The following COX7A1 variants were observed in gnomAD, a reference collection of about 807,000 sequenced individuals.
COX7A1 encodes cytochrome c oxidase subunit 7A1.
COX7A1 carries 21 observed loss-of-function variants against 13.2 expected under a neutral mutation model. The observed-to-expected ratio is 1.59, with a 90% confidence interval of 1.13 to 2.29. The LOEUF is 2.29. Among genes scored for constraint, COX7A1 ranks in the 30% most tolerant of loss-of-function variants. The pLI is 0.00. For synonymous variants in COX7A1, 41 were observed against 41.9 expected (o/e 0.98, Z 0.08); for missense variants, 107 against 100.0 (o/e 1.07, Z -0.30).
intron 1 of COX7A1, 94 bp from the exon 2 acceptor site, chr19:36,151,849 C>T: frequency 9.0e-7 from 1 of 1,111,726 alleles, no homozygotes; most frequent in South Asian, 1.3e-5. Flanking sequence ...GGGGACAGCC[C>T]CATCCCTAGC....
intron 1 of COX7A1, 70 bp downstream of exon 1, chr19:36,152,323 C>T: frequency 1.7e-6 from 2 of 1,194,646 alleles, no homozygotes; most frequent in Middle Eastern, 2.1e-4. Context: ...TGCGGGGGCA[C>T]TTGGAGAGTC....
Position 36,152,401 on chromosome 19 carries a change from C to T in COX7A1, c.7G>A (p.Ala3Thr). The T allele has an allele frequency of 2.2e-6, 3 of 1,373,248 alleles. No homozygotes were observed. The highest frequency in any genetic ancestry group is 2.9e-5 in the East Asian group (1 of 34,962). 85.1% of individuals were successfully genotyped at this position (1,373,248 alleles called of 1,614,324 possible). MQALRVSQALIRS... is the reference protein window; with the variant it reads MQTLRVSQALIRS... Reference sequence around the variant, plus strand: ...GCCCATGGGGGCCTCACCCGAAGGGCCTGCATTCTGCCTTGTCCTCTTCCG... The same window carrying T: ...GCCCATGGGGGCCTCACCCGAAGGGTCTGCATTCTGCCTTGTCCTCTTCCG... The change falls in exon 1 of 4, where the codon GCC (alanine) becomes ACC (threonine). Residue 3 changes from alanine to threonine, a missense_variant. Physicochemically the swap from Ala to Thr is moderately conservative, Grantham distance 58. Coordinates refer to ENST00000292907, the MANE Select transcript of COX7A1 (RefSeq NM_001864.4).
chr19:36,151,666 C>CCCCCCCCCGG lies in COX7A1; in HGVS notation c.102+2_102+3insCCGGGGGGGG. ...CGGATCCCCACCCCCCCCGACCCCC[C>CCCCCCCCCGG]ACCTGGAAGAGCTTCTGTTTCTCGC... is the stretch of plus-strand genomic sequence containing the variant. On this transcript the variant is annotated splice_region_variant and intron_variant, in intron 2 of 3. Transcript: ENST00000292907. The CCCCCCCCCGG allele has an allele frequency of 1.3e-6, 2 of 1,584,884 alleles. No homozygotes were observed. Among genetic ancestry groups the CCCCCCCCCGG allele is most frequent in the Non-Finnish European group, 1.7e-6 (2 of 1,162,702 alleles).
intron 3 of COX7A1, 89 bp downstream of exon 3, chr19:36,151,373 A>G: frequency 7.0e-7 from 1 of 1,435,276 alleles, no homozygotes; most frequent in Non-Finnish European, 9.7e-7. Context: ...CCCAACCCAG[A>G]TCCTGGTCAG....
At chr19:36,152,294 C>T in intron 1 of COX7A1, 99 bp downstream of exon 1, 1 of 896,506 alleles carries the variant, frequency 1.1e-6, no homozygotes, top group Non-Finnish European at 1.5e-6. Flanking sequence ...GAAGGTGGCT[C>T]ACGTTCCAAG....
rs1398016113 is a variant in COX7A1, at chr19:36,151,328, A to G, written c.187+134T>C. On this transcript the variant is annotated intron_variant, in intron 3 of 3. Transcript: ENST00000292907. ...CTCCCCTCCCTGCAGGCCTGACTCC[A>G]GCTCAGTACTCGACCCCCTTCCTAA... The G allele has an allele frequency of 1.8e-5, 16 of 913,786 alleles. No homozygotes were observed. The East Asian group carries it at 4.1e-4, about 23-fold the overall frequency. 56.6% of individuals were successfully genotyped at this position (913,786 alleles called of 1,614,324 possible). A position where few individuals can be genotyped will look rare whatever the true frequency, so the allele number is the denominator to read the frequency against.
At chr19:36,151,645 T>TGCCCCCCGCCCCC in intron 2 of COX7A1, 24 bp downstream of exon 2, 1 of 1,387,626 alleles carries the variant, frequency 7.2e-7, no homozygotes, top group Non-Finnish European at 9.9e-7. Context: ...GCGCGTCGGA[T>TGCCCCCCGCCCCC]CCCCACCCCC....
chr19:36,151,598 G>A (rs1157829393), intron 2 of COX7A1, 52 bp from the exon 3 acceptor site: 8 of 1,611,234 alleles, frequency 5.0e-6, no homozygotes, highest in Admixed American at 3.3e-5. Context: ...TCCTTAGAGC[G>A]CGCCCCGCCT....
chr19:36,151,660 A>ACCCC lies in COX7A1; in HGVS notation c.102+5_102+8dup, dbSNP rs3214131. On this transcript the variant is annotated intron_variant, in intron 2 of 3. Coordinates refer to ENST00000292907, the MANE Select transcript of COX7A1 (RefSeq NM_001864.4). Reference sequence around the variant, plus strand: ...GCGCGTCGGATCCCCACCCCCCCCGACCCCCCACCTGGAAGAGCTTCTGTT... The same window carrying ACCCC: ...GCGCGTCGGATCCCCACCCCCCCCGACCCCCCCCCCACCTGGAAGAGCTTCTGTT... 291 of 1,114,418 alleles carry ACCCC rather than the reference A, an allele frequency of 2.6e-4. No homozygotes were observed. Among genetic ancestry groups the ACCCC allele is most frequent in the African/African-American group, 1.6e-3 (100 of 63,552 alleles). 69.0% of individuals were successfully genotyped at this position (1,114,418 alleles called of 1,614,324 possible).
rs1415800370 is a variant in COX7A1 at position 36,151,711 on chromosome 19, G to T, written c.60C>A (p.Asn20Lys). 1 of 1,590,508 alleles carries T rather than the reference G, an allele frequency of 6.3e-7. No homozygotes were observed. The change falls in exon 2 of 4, where the codon AAC becomes AAA. Residue 20 changes from asparagine to lysine, a missense_variant. Coordinates refer to ENST00000292907, the MANE Select transcript of COX7A1 (RefSeq NM_001864.4). The stretch of plus-strand genomic sequence containing the variant: ...TCTCGCGCACTCGGTTCTGAAAGCG[G>T]TTCCGGGCGGTGGAGCTGAAGGAGC... ...LIRSFSSTAR[N>K]RFQNRVREKQ...
Position 36,152,420 on chromosome 19 carries a change from T to C in COX7A1, c.-13A>G. 7.4e-7 allele frequency: 1 copy of C among 1,355,478 alleles called. No individual in the cohort carries two copies. Among genetic ancestry groups the C allele is most frequent in the South Asian group, 2.1e-5 (1 of 46,674 alleles). The allele number at this position is 1,355,478 out of a possible 1,614,324, so 84.0% of individuals were successfully genotyped here. On this transcript the variant is annotated 5_prime_UTR_variant, in exon 1 of 4. Coordinates refer to ENST00000292907, the MANE Select transcript of COX7A1 (RefSeq NM_001864.4). ...GAAGGGCCTGCATTCTGCCTTGTCCTCTTCCGCCGGAGTCACCTCCCTTCT... is the reference window on the plus strand; with the variant it reads ...GAAGGGCCTGCATTCTGCCTTGTCCCCTTCCGCCGGAGTCACCTCCCTTCT...
intron 2 of COX7A1, 34 bp downstream of exon 2, chr19:36,151,635 G>A: frequency 6.2e-7 from 1 of 1,602,886 alleles, no homozygotes; most frequent in Non-Finnish European, 8.5e-7. Flanking sequence ...CTCCCGGCTG[G>A]CGCGTCGGAT....
chr19:36,151,438 A>AGCCCAGACGGGCCCTGCGCTCACC, intron 3 of COX7A1, 24 bp downstream of exon 3: 1 of 1,613,144 alleles, frequency 6.2e-7, no homozygotes, highest in Non-Finnish European at 8.5e-7. Context: ...CCTCCCCCGC[A>AGCCCAGACGGGCCCTGCGCTCACC]GCCCAGACGG....
rs112834485 is a variant in COX7A1 at position 36,151,659 on chromosome 19, G to GCCC, written c.102+9_102+10insGGG. 8 of 1,310,882 alleles carry GCCC rather than the reference G, an allele frequency of 6.1e-6. No homozygotes were observed. Among genetic ancestry groups the GCCC allele is most frequent in the African/African-American group, 4.4e-5 (3 of 68,016 alleles). 81.2% of individuals were successfully genotyped at this position (1,310,882 alleles called of 1,614,324 possible). On this transcript the variant is annotated intron_variant, in intron 2 of 3. Transcript: ENST00000292907. ...GGCGCGTCGGATCCCCACCCCCCCC[G>GCCC]ACCCCCCACCTGGAAGAGCTTCTGT...
At chr19:36,151,645 T>TCCCCCCCC in intron 2 of COX7A1, 24 bp downstream of exon 2, 3 of 1,387,620 alleles carry the variant, frequency 2.2e-6, no homozygotes, top group Non-Finnish European at 3.0e-6. Flanking sequence ...GCGCGTCGGA[T>TCCCCCCCC]CCCCACCCCC....
Position 36,152,424 on chromosome 19 carries a change from C to A in COX7A1, c.-17G>T, listed in dbSNP as rs1394358824. 3 of 1,349,996 alleles carry A rather than the reference C, an allele frequency of 2.2e-6. No homozygotes were observed. Among genetic ancestry groups the A allele is most frequent in the African/African-American group, 3.0e-5 (2 of 67,064 alleles). The allele number at this position is 1,349,996 out of a possible 1,614,324, so 83.6% of individuals were successfully genotyped here. On this transcript the variant is annotated 5_prime_UTR_variant, in exon 1 of 4. Coordinates refer to ENST00000292907, the MANE Select transcript of COX7A1 (RefSeq NM_001864.4). ...GGCCTGCATTCTGCCTTGTCCTCTT[C>A]CGCCGGAGTCACCTCCCTTCTCCGC...
intron 1 of COX7A1, 77 bp downstream of exon 1, chr19:36,152,316 G>A: frequency 9.1e-7 from 1 of 1,095,942 alleles, no homozygotes. Flanking sequence ...CCCTAGATGC[G>A]GGGGCACTTG....
chr19:36,151,461 C>G lies in COX7A1; in HGVS notation c.187+1G>C. Reference sequence around the variant, plus strand: ...GCAGCCCAGACGGGCCCTGCGCTCACCGCCCAGACACAGCGTCATTGTCAC... The same window carrying G: ...GCAGCCCAGACGGGCCCTGCGCTCAGCGCCCAGACACAGCGTCATTGTCAC... On this transcript the variant is annotated splice_donor_variant, in intron 3 of 3. Transcript: ENST00000292907. LOFTEE classifies it high-confidence loss of function. 1.9e-6 allele frequency: 3 copies of G among 1,614,172 alleles called. No homozygotes were observed. The highest frequency in any genetic ancestry group is 2.5e-6 in the Non-Finnish European group (3 of 1,180,020).
In COX7A1 at chr19:36,151,669, C is replaced by CCCCCT; in HGVS notation, c.101_102insAGGGG (p.Glu35GlyfsTer11). 1.3e-6 allele frequency: 2 copies of CCCCCT among 1,591,930 alleles called. No individual in the cohort carries two copies. Among genetic ancestry groups the CCCCCT allele is most frequent in the Admixed American group, 1.8e-5 (1 of 55,858 alleles). ...ATCCCCACCCCCCCCGACCCCCCAC[C>CCCCCT]TGGAAGAGCTTCTGTTTCTCGCGCA... On this transcript the variant is annotated frameshift_variant and splice_region_variant, in exon 2 of 4. Coordinates refer to ENST00000292907, the MANE Select transcript of COX7A1 (RefSeq NM_001864.4). LOFTEE classifies it high-confidence loss of function.
Sources: allele counts gnomAD v4.1 joint callset, GRCh38; gene constraint gnomAD v4.1.1; transcripts MANE v1.5; gene names NCBI Gene and HGNC (gene_info 2026-07-23, HGNC 2026-07-21).